The following CEMIP variants were observed in gnomAD, a reference collection of about 807,000 sequenced individuals.
CEMIP encodes the protein cell migration inducing hyaluronidase 1, also known as cell migration-inducing and hyaluronan-binding protein.
A neutral mutation model predicts 156.9 loss-of-function variants in CEMIP; 105 were observed. The observed-to-expected ratio is 0.67, with a 90% CI of 0.57 to 0.79. The LOEUF (loss-of-function observed/expected upper bound fraction) is 0.79. Among genes scored for constraint, CEMIP ranks in the 30% least tolerant of loss-of-function variants. The pLI, the probability that CEMIP is intolerant of heterozygous loss-of-function variation, is 0.00. For missense variants in CEMIP, 1,457 were observed against 1,769.4 expected (o/e 0.82, Z 3.17); for synonymous variants, 676 against 668.4 (o/e 1.01, Z -0.17).
chr15:80,907,703 T>C (rs1899868236), intron 13 of CEMIP, among the ~76,000 whole-genome samples: 2 of 152,264 alleles, frequency 1.3e-5, no homozygotes, highest in Non-Finnish European at 2.9e-5. Flanking sequence ...ACTAATTTAC[T>C]GGTGCTTACG....
intron 1 of CEMIP, among the ~76,000 whole-genome samples, chr15:80,870,521 C>T (rs779014780): frequency 3.3e-5 from 5 of 152,180 alleles, no homozygotes; most frequent in Non-Finnish European, 7.3e-5. Flanking sequence ...CCCCTGTCTC[C>T]CCTTGCTCTG....
intron 1 of CEMIP, among the ~76,000 whole-genome samples, chr15:80,834,506 T>C (rs541405025): frequency 3.4e-4 from 52 of 152,384 alleles, no homozygotes; most frequent in African/African-American, 1.2e-3. Flanking sequence ...GGCTATTCAA[T>C]TGACTCAGCA....
intron 1 of CEMIP, among the ~76,000 whole-genome samples, chr15:80,802,927 G>A (rs1399762828): frequency 6.6e-6 from 1 of 152,180 alleles, no homozygotes; most frequent in Non-Finnish European, 1.5e-5. Context: ...CACTGTCTTA[G>A]TCAGTTTGGG....
intron 1 of CEMIP, among the ~76,000 whole-genome samples, chr15:80,807,610 G>C (rs1369483096): frequency 6.6e-6 from 1 of 152,232 alleles, no homozygotes; most frequent in Non-Finnish European, 1.5e-5. Flanking sequence ...TTGGAGGCCA[G>C]AACAAGAGTG....
chr15:80,833,892 A>G (rs1482250036), intron 1 of CEMIP, among the ~76,000 whole-genome samples: 1 of 151,030 alleles, frequency 6.6e-6, no homozygotes, highest in Non-Finnish European at 1.5e-5. Context: ...CTGGTCTTGA[A>G]CTCGTGTCCT....
intron 1 of CEMIP, among the ~76,000 whole-genome samples, chr15:80,832,420 AC>A (rs778165151): frequency 1.3e-5 from 2 of 150,424 alleles, no homozygotes; most frequent in African/African-American, 2.4e-5. Context: ...CTTGCTTGTG[AC>A]CTGTTTGGTC....
At chr15:80,796,864 G>A (rs1896240505) in intron 1 of CEMIP, among the ~76,000 whole-genome samples, 1 of 152,146 alleles carries the variant, frequency 6.6e-6, no homozygotes, top group Non-Finnish European at 1.5e-5. Flanking sequence ...GCAGAAAAGT[G>A]GGACCTCATT....
At chr15:80,827,154 G>A (rs565290950) in intron 1 of CEMIP, among the ~76,000 whole-genome samples, 4 of 152,130 alleles carry the variant, frequency 2.6e-5, no homozygotes, top group Non-Finnish European at 4.4e-5. Context: ...GATAGGTGAC[G>A]TGTCCCCAGT....
In CEMIP at chr15:80,912,142, C is replaced by A. The variant is rs1241685839; in HGVS notation, c.1797+2836C>A. Among the ~76,000 whole-genome samples, 3 of 144,374 alleles carry A rather than the reference C, an allele frequency of 2.1e-5. No individual in the cohort carries two copies. The East Asian group carries it at 6.3e-4, about 30-fold the overall frequency. The allele number at this position is 144,374 out of a possible 152,430, so 94.7% of individuals were successfully genotyped here. On this transcript the variant is annotated intron_variant, in intron 14 of 29. Transcript: ENST00000394685. ...GACTGGGAAAGACTGGGAAAGATGG[C>A]ATAGGCCTTGAGCCAGGAGTGTGAG...
At chr15:80,868,572 C>G (rs1461423643) in intron 1 of CEMIP, among the ~76,000 whole-genome samples, 1 of 152,160 alleles carries the variant, frequency 6.6e-6, no homozygotes, top group African/African-American at 2.4e-5. Context: ...CTCTCATATT[C>G]CTATCAGCGC....
intron 25 of CEMIP, among the ~76,000 whole-genome samples, chr15:80,940,541 C>T (rs761736667): frequency 6.6e-4 from 100 of 152,290 alleles, no homozygotes; most frequent in Middle Eastern, 3.4e-3. Flanking sequence ...TTCCCCACCA[C>T]GCAGGGCATG....
At chr15:80,840,238 G>C (rs1004195217) in intron 1 of CEMIP, among the ~76,000 whole-genome samples, 5 of 152,172 alleles carry the variant, frequency 3.3e-5, no homozygotes, top group African/African-American at 1.2e-4. Context: ...ATAGAGGAGA[G>C]GGAATTCCAC....
intron 1 of CEMIP, among the ~76,000 whole-genome samples, chr15:80,835,957 T>A (rs957871137): frequency 2.6e-4 from 40 of 152,180 alleles, no homozygotes; most frequent in Admixed American, 4.6e-4. Flanking sequence ...GTTTTTTTTT[T>A]AAATGTTAAG....
At chr15:80,887,885 T>C in intron 8 of CEMIP, 121 bp downstream of exon 8, 2 of 845,828 alleles carry the variant, frequency 2.4e-6, no homozygotes, top group East Asian at 2.6e-5. Context: ...AATGTCTAGA[T>C]GAGTGAGCAG....
intron 10 of CEMIP, among the ~76,000 whole-genome samples, chr15:80,892,228 T>G (rs758496268): frequency 4.6e-5 from 7 of 151,886 alleles, no homozygotes; most frequent in Non-Finnish European, 8.8e-5. Context: ...GGCCAGGGAG[T>G]GTCAAGGACA....
At chr15:80,942,900 G>A (rs947611506) in intron 27 of CEMIP, 45 bp from the exon 28 acceptor site, 1 of 1,612,688 alleles carries the variant, frequency 6.2e-7, no homozygotes. Flanking sequence ...AGAACCATGG[G>A]GCCTTGGCAC....
At chr15:80,810,359 T>C (rs535147863) in intron 1 of CEMIP, among the ~76,000 whole-genome samples, 12 of 152,194 alleles carry the variant, frequency 7.9e-5, no homozygotes, top group Non-Finnish European at 1.6e-4. Context: ...GAGTCACCTG[T>C]GTTTTTTTGT....
chr15:80,784,282 C>T (rs781225033), intron 1 of CEMIP, among the ~76,000 whole-genome samples: 6 of 152,174 alleles, frequency 3.9e-5, no homozygotes, highest in East Asian at 1.9e-4. Context: ...TTTTCTGTTA[C>T]GGAGAAAGCA....
At chr15:80,824,250 T>C (rs1484316072) in intron 1 of CEMIP, among the ~76,000 whole-genome samples, 2 of 152,210 alleles carry the variant, frequency 1.3e-5, no homozygotes, top group Non-Finnish European at 2.9e-5. Flanking sequence ...ATGGCTGTGC[T>C]ATAAGATTCG....
Sources: gnomAD v4.1 joint callset for allele counts (sites outside exome capture counted in the v4.1 genomes callset) on GRCh38, gnomAD v4.1.1 for gene constraint, MANE v1.5 for transcripts, NCBI Gene and HGNC (gene_info 2026-07-23, HGNC 2026-07-21) for gene names.